TRPS1: variants seen among roughly 807,000 people sequenced by gnomAD.
TRPS1 encodes the protein zinc finger transcription factor Trps1.
TRPS1 carries 6 observed loss-of-function variants against 101.2 expected under a neutral mutation model. That is an observed-to-expected ratio of 0.06 (90% CI 0.03 to 0.12). The LOEUF is 0.12. TRPS1 is among the 10% of genes least tolerant of loss of function. The probability of loss-of-function intolerance (pLI) is 1.00; values close to 1 mark genes in which losing one functional copy is unlikely to be tolerated. For missense variants in TRPS1, 1,363 were observed against 1,567.0 expected (o/e 0.87, Z 2.20); for synonymous variants, 578 against 589.8 (o/e 0.98, Z 0.29).
chr8:115,502,221 C>T (rs1367676620), intron 5 of TRPS1, among the ~76,000 whole-genome samples: 2 of 152,052 alleles, frequency 1.3e-5, no homozygotes, highest in African/African-American at 2.4e-5. Context: ...AGTCATGACA[C>T]TCTTCTCTGA....
At chr8:115,572,913 A>G (rs1817238609) in intron 5 of TRPS1, among the ~76,000 whole-genome samples, 1 of 152,050 alleles carries the variant, frequency 6.6e-6, no homozygotes, top group African/African-American at 2.4e-5. Context: ...TGGGTGGATC[A>G]CCTGAGGTCA....
chr8:115,590,574 AC>A (rs1817658121), intron 4 of TRPS1, among the ~76,000 whole-genome samples: 2 of 152,214 alleles, frequency 1.3e-5, no homozygotes, highest in South Asian at 4.1e-4. Context: ...ATTCTTGTGG[AC>A]CACAAAGCAA....
At chr8:115,430,149 G>A (rs1317858416) in intron 5 of TRPS1, among the ~76,000 whole-genome samples, 4 of 152,092 alleles carry the variant, frequency 2.6e-5, no homozygotes, top group African/African-American at 9.7e-5. Context: ...TTTGTGACAA[G>A]GTACAAACTT....
At chr8:115,636,780 C>T (rs1399910019) in intron 1 of TRPS1, among the ~76,000 whole-genome samples, 6 of 151,870 alleles carry the variant, frequency 4.0e-5, no homozygotes, top group Admixed American at 6.6e-5. Flanking sequence ...GGTGTGGTGG[C>T]GGGTGCCTGT....
intron 5 of TRPS1, among the ~76,000 whole-genome samples, chr8:115,425,535 C>T (rs1813166553): frequency 6.6e-6 from 1 of 152,194 alleles, no homozygotes. Context: ...GATATGAATG[C>T]ACCTAAGACT....
At chr8:115,545,519 A>G (rs990394430) in intron 5 of TRPS1, among the ~76,000 whole-genome samples, 4 of 152,222 alleles carry the variant, frequency 2.6e-5, no homozygotes, top group African/African-American at 9.6e-5. Context: ...TAAAGAGCAG[A>G]AAGTCATTAA....
chr8:115,568,964 T>C (rs1297477168), intron 5 of TRPS1, among the ~76,000 whole-genome samples: 1 of 152,078 alleles, frequency 6.6e-6, no homozygotes, highest in Non-Finnish European at 1.5e-5. Flanking sequence ...AAATACTGAA[T>C]TAAAAGATGA....
At chr8:115,527,667 T>A (rs1816032045) in intron 5 of TRPS1, among the ~76,000 whole-genome samples, 1 of 152,120 alleles carries the variant, frequency 6.6e-6, no homozygotes, top group East Asian at 1.9e-4. Context: ...AATTATACCC[T>A]CACTTGAAAA....
At chr8:115,477,803 CTT>C (rs59391256) in intron 5 of TRPS1, among the ~76,000 whole-genome samples, 2 of 148,170 alleles carry the variant, frequency 1.3e-5, no homozygotes, top group Non-Finnish European at 3.0e-5. Context: ...AATCTACATT[CTT>C]TTTTTTTTTC....
chr8:115,649,953 TG>T lies in TRPS1; in HGVS notation c.-122+18591del, dbSNP rs1256367453. The stretch of plus-strand genomic sequence containing the variant: ...TACAGTCTGATAAGGAACATTTTAA[TG>T]GAGCCAAAACATCCATTTCCTTCCT... On this transcript the variant is annotated intron_variant, in intron 1 of 6. Coordinates refer to ENST00000395715, the MANE Select transcript of TRPS1 (RefSeq NM_014112.5). Among the ~76,000 whole-genome samples the T allele has an allele frequency of 1.1e-4, 16 of 152,336 alleles. 1 individual carries two copies. The East Asian group carries it at 3.1e-3, about 29-fold the overall frequency.
intron 1 of TRPS1, among the ~76,000 whole-genome samples, chr8:115,647,907 C>CA (rs138006854): frequency 0.081 from 11,734 of 144,092 alleles, 1,306 homozygotes; most frequent in African/African-American, 0.26. Flanking sequence ...TAATATGTGA[C>CA]AAAAAAAAAA....
intron 5 of TRPS1, among the ~76,000 whole-genome samples, chr8:115,505,984 G>A (rs2130166642): frequency 6.6e-6 from 1 of 152,046 alleles, no homozygotes; most frequent in East Asian, 1.9e-4. Context: ...TTGAAAATCT[G>A]TCAATATTAA....
chr8:115,530,515 C>T (rs752512296), intron 5 of TRPS1, among the ~76,000 whole-genome samples: 10 of 152,060 alleles, frequency 6.6e-5, no homozygotes, highest in Non-Finnish European at 1.5e-4. Flanking sequence ...GATACGTGTG[C>T]AAACCAGTGT....
At chr8:115,609,019 G>A (rs937917250) in intron 3 of TRPS1, among the ~76,000 whole-genome samples, 1 of 151,930 alleles carries the variant, frequency 6.6e-6, no homozygotes, top group Non-Finnish European at 1.5e-5. Flanking sequence ...GCTAATTTTT[G>A]TATTTTTTGT....
rs756310494 is a variant in TRPS1 at position 115,603,863 on chromosome 8, CA to C, written c.2096+9del. Reference sequence around the variant, plus strand: ...GTATATTCCTCCCGACCCCACCCCCCATGCCTCACCTGTAGTGTCGGGAAAT... The same window carrying C: ...GTATATTCCTCCCGACCCCACCCCCCTGCCTCACCTGTAGTGTCGGGAAAT... On this transcript the variant is annotated intron_variant, in intron 4 of 6. Coordinates refer to ENST00000395715, the MANE Select transcript of TRPS1 (RefSeq NM_014112.5). 6.2e-7 allele frequency: 1 copy of C among 1,613,908 alleles called. No homozygotes were observed. The highest frequency in any genetic ancestry group is 1.7e-5 in the Admixed American group (1 of 59,972).
intron 4 of TRPS1, among the ~76,000 whole-genome samples, chr8:115,598,100 C>A (rs986965836): frequency 6.6e-6 from 1 of 152,118 alleles, no homozygotes. Flanking sequence ...TATTTTCTCA[C>A]CATTTTTTAA....
chr8:115,520,662 G>A (rs1306753114), intron 5 of TRPS1, among the ~76,000 whole-genome samples: 2 of 151,736 alleles, frequency 1.3e-5, no homozygotes, highest in South Asian at 4.2e-4. Flanking sequence ...GCTCACAAAA[G>A]GATTATTTAA....
intron 1 of TRPS1, among the ~76,000 whole-genome samples, chr8:115,656,361 A>G (rs1481958972): frequency 6.6e-6 from 1 of 152,128 alleles, no homozygotes; most frequent in Non-Finnish European, 1.5e-5. Context: ...AAAATATGTC[A>G]GATTAAAGTC....
rs1818001722 is a variant in TRPS1, at chr8:115,604,888, T to C, written c.1081A>G (p.Thr361Ala). 6.2e-7 allele frequency: 1 copy of C among 1,614,088 alleles called. No homozygotes were observed. Among genetic ancestry groups the C allele is most frequent in the Non-Finnish European group, 8.5e-7 (1 of 1,179,976 alleles). ...CNFTYMGNSSTELEQHFLQTH... is the reference protein window; with the variant it reads ...CNFTYMGNSSAELEQHFLQTH... ...TGAAGAAAATGTTGTTCTAATTCGGTGGATGAGTTGCCCATATAAGTGAAA... is the reference window on the plus strand; with the variant it reads ...TGAAGAAAATGTTGTTCTAATTCGGCGGATGAGTTGCCCATATAAGTGAAA... Residue 361 changes from threonine (T) to alanine (A), a missense_variant, in exon 4 of 7, where the codon ACC (threonine) becomes GCC (alanine). Coordinates refer to ENST00000395715, the MANE Select transcript of TRPS1 (RefSeq NM_014112.5). This position sits in a 1 kb window ranked among gnomAD's most constrained non-coding sequence, Gnocchi z 4.1.
Sources: allele counts gnomAD v4.1 joint callset (sites outside exome capture counted in the v4.1 genomes callset), GRCh38; gene constraint gnomAD v4.1.1; non-coding constraint Gnocchi (gnomAD v3.1); transcripts MANE v1.5; gene names NCBI Gene and HGNC (gene_info 2026-07-23, HGNC 2026-07-21).